Variants in SSBP3 observed in about 807,000 individuals in gnomAD.
SSBP3 encodes single stranded DNA binding protein 3, also known as single-stranded DNA-binding protein 3.
SSBP3 carries 5 observed loss-of-function variants against 69.6 expected under a neutral mutation model. The ratio of observed to expected loss-of-function variants is 0.07; its 90% CI spans 0.04 to 0.15. The LOEUF is 0.15. Ranked by LOEUF, SSBP3 falls within the 10% of genes least tolerant of loss-of-function variation. The pLI is 1.00. For synonymous variants in SSBP3, 196 were observed against 193.4 expected (o/e 1.01, Z -0.11); for missense variants, 312 against 534.0 (o/e 0.58, Z 4.10).
intron 4 of SSBP3, among the ~76,000 whole-genome samples, chr1:54,353,290 G>A (rs1646812244): frequency 6.6e-6 from 1 of 152,150 alleles, no homozygotes; most frequent in Non-Finnish European, 1.5e-5. Context: ...CCCATTGCGA[G>A]GGGAAAAACT....
At chr1:54,400,395 G>A (rs1244539232) in intron 4 of SSBP3, among the ~76,000 whole-genome samples, 1 of 149,672 alleles carries the variant, frequency 6.7e-6, no homozygotes, top group East Asian at 2.0e-4. Flanking sequence ...ATTTTTACTA[G>A]GTAGAAAGGT....
At chr1:54,310,463 C>A (rs367685868) in intron 4 of SSBP3, among the ~76,000 whole-genome samples, 5 of 152,140 alleles carry the variant, frequency 3.3e-5, no homozygotes, top group Admixed American at 2.0e-4. Flanking sequence ...CACGGACACA[C>A]CTTCCCAGGG....
chr1:54,390,663 T>C (rs1320748313), intron 4 of SSBP3, among the ~76,000 whole-genome samples: 2 of 152,210 alleles, frequency 1.3e-5, no homozygotes, highest in African/African-American at 4.8e-5. Flanking sequence ...AAACCATCAA[T>C]TGGCCAATTC....
chr1:54,383,003 A>G (rs570432558), intron 4 of SSBP3, among the ~76,000 whole-genome samples: 52 of 138,120 alleles, frequency 3.8e-4, no homozygotes, highest in African/African-American at 9.5e-4. Context: ...AAAAAAAAAG[A>G]AGAGAGAGAG....
At chr1:54,248,100 C>A (rs1199000491) in intron 9 of SSBP3, among the ~76,000 whole-genome samples, 2 of 152,222 alleles carry the variant, frequency 1.3e-5, no homozygotes, top group East Asian at 3.8e-4. Flanking sequence ...CTATGACCGA[C>A]CACGCTGTAC....
At chr1:54,284,141 TCTTA>T (rs1645445640) in intron 4 of SSBP3, among the ~76,000 whole-genome samples, 2 of 144,020 alleles carry the variant, frequency 1.4e-5, no homozygotes, top group African/African-American at 5.1e-5. Context: ...AGACACAGGG[TCTTA>T]CTATGTTGCC....
chr1:54,232,307 A>G (rs1644393595), intron 14 of SSBP3, among the ~76,000 whole-genome samples: 1 of 152,174 alleles, frequency 6.6e-6, no homozygotes, highest in Non-Finnish European at 1.5e-5. Context: ...TACATTAATT[A>G]TTTTTTAGAG....
At chr1:54,397,774 T>C (rs879823880) in intron 4 of SSBP3, among the ~76,000 whole-genome samples, 21 of 152,132 alleles carry the variant, frequency 1.4e-4, no homozygotes, top group Non-Finnish European at 7.4e-5. Flanking sequence ...CCTGAAACCA[T>C]GCACAAAGTC....
chr1:54,305,633 A>G (rs528670045), intron 4 of SSBP3, among the ~76,000 whole-genome samples: 29 of 148,916 alleles, frequency 1.9e-4, no homozygotes, highest in Non-Finnish European at 3.4e-4. Flanking sequence ...AAAAAAAAAA[A>G]AGAGAGAGAG....
rs750989870 is a variant in SSBP3 at position 54,241,009 on chromosome 1, T to C, written c.802-50A>G. 13 of 1,566,846 alleles carry C rather than the reference T, an allele frequency of 8.3e-6. No homozygotes were observed. In the East Asian group the frequency reaches 2.1e-4, roughly 25 times the overall value. On this transcript the variant is annotated intron_variant, in intron 12 of 17. Transcript: ENST00000610401. ...CAGACACCCACGGTGGTAACGAACATGGGGAGGGGCCGGCATCCTCCCTCC... is the reference window on the plus strand; with the variant it reads ...CAGACACCCACGGTGGTAACGAACACGGGGAGGGGCCGGCATCCTCCCTCC...
Position 54,399,479 on chromosome 1 carries a change from TAGC to T in SSBP3, c.276+2379_276+2381del, listed in dbSNP as rs746329533. Among the ~76,000 whole-genome samples, 4 of 152,222 alleles carry T rather than the reference TAGC, an allele frequency of 2.6e-5. No homozygotes were observed. In the East Asian group the frequency reaches 7.7e-4, roughly 29 times the overall value. On this transcript the variant is annotated intron_variant, in intron 4 of 17. Transcript: ENST00000610401. ...TATGAGGGACTGAACCTACAGCAGTTAGCAGAGTGGCCTGGCACACGGAAAGCT... is the reference window on the plus strand; with the variant it reads ...TATGAGGGACTGAACCTACAGCAGTTAGAGTGGCCTGGCACACGGAAAGCT...
At chr1:54,292,498 G>A (rs557123272) in intron 4 of SSBP3, among the ~76,000 whole-genome samples, 133 of 152,254 alleles carry the variant, frequency 8.7e-4, no homozygotes, top group Middle Eastern at 6.8e-3. Context: ...CCACTGTGAA[G>A]CCTCATGTCA....
At chr1:54,333,549 T>C (rs1157038462) in intron 4 of SSBP3, among the ~76,000 whole-genome samples, 1 of 151,874 alleles carries the variant, frequency 6.6e-6, no homozygotes, top group Non-Finnish European at 1.5e-5. Flanking sequence ...TGAGGGAACA[T>C]AGTGAGACCC....
intron 4 of SSBP3, among the ~76,000 whole-genome samples, chr1:54,294,588 C>T (rs1024193319): frequency 6.6e-6 from 1 of 152,188 alleles, no homozygotes; most frequent in African/African-American, 2.4e-5. Context: ...TTCTCATTCC[C>T]ACAGTGGAAG....
chr1:54,404,674 G>A (rs960124222), intron 2 of SSBP3, 37 bp from the exon 3 acceptor site: 3 of 1,613,030 alleles, frequency 1.9e-6, no homozygotes, highest in Non-Finnish European at 2.5e-6. Flanking sequence ...TAGAGGAGCA[G>A]AGACGGGGTG....
rs147347307 is a variant in SSBP3 at position 54,357,467 on chromosome 1, T to C, written c.276+44394A>G. 3.0e-3 allele frequency among the ~76,000 whole-genome samples: 462 copies of C among 152,252 alleles called. 4 individuals are homozygous for C. The highest frequency in any genetic ancestry group is 0.01 in the African/African-American group (435 of 41,518). On this transcript the variant is annotated intron_variant, in intron 4 of 17. Transcript: ENST00000610401. ...GTGTACCATAAGGGTGCTAGCACTATTTGTGAAGAAAAGAGAGAAAATTCA... is the reference window on the plus strand; with the variant it reads ...GTGTACCATAAGGGTGCTAGCACTACTTGTGAAGAAAAGAGAGAAAATTCA...
intron 4 of SSBP3, among the ~76,000 whole-genome samples, chr1:54,316,650 AAAAAAAAAATAAAATAAATAAAT>A (rs1399721790): frequency 2.0e-5 from 1 of 51,130 alleles, no homozygotes; most frequent in African/African-American, 1.7e-4. Context: ...TCCGTCTCAA[AAAAAAAAAATAAAATAAATAAAT>A]AAATAAATAA....
At chr1:54,329,407 G>T (rs1205686252) in intron 4 of SSBP3, among the ~76,000 whole-genome samples, 5 of 152,178 alleles carry the variant, frequency 3.3e-5, no homozygotes, top group African/African-American at 1.2e-4. Flanking sequence ...TTCCTTCAAG[G>T]AGCATGCCTG....
chr1:54,259,138 A>ACC (rs1644974269), intron 5 of SSBP3, among the ~76,000 whole-genome samples: 1 of 151,520 alleles, frequency 6.6e-6, no homozygotes, highest in Non-Finnish European at 1.5e-5. Context: ...CACCGCCTCA[A>ACC]CCCTGGGCTA....
Sources: gnomAD v4.1 joint callset for allele counts (sites outside exome capture counted in the v4.1 genomes callset) on GRCh38, gnomAD v4.1.1 for gene constraint, MANE v1.5 for transcripts, NCBI Gene and HGNC (gene_info 2026-07-23, HGNC 2026-07-21) for gene names.